The following GPC5 variants were observed in gnomAD, a reference collection of about 807,000 sequenced individuals.
GPC5 encodes glypican 5.
In GPC5, 47 loss-of-function variants were observed where a neutral mutation model predicts 53.9. That is an observed-to-expected ratio of 0.87 (90% CI 0.69 to 1.11). GPC5 has a LOEUF of 1.11. GPC5 is among the 50% of genes most tolerant of loss of function. The pLI is 0.00. For missense variants in GPC5, 748 were observed against 713.1 expected (o/e 1.05, Z -0.56); for synonymous variants, 286 against 263.3 (o/e 1.09, Z -0.84).
intron 7 of GPC5, among the ~76,000 whole-genome samples, chr13:92,234,067 A>G (rs1433627325): frequency 6.6e-6 from 1 of 152,220 alleles, no homozygotes. Context: ...ATTGTTGGAC[A>G]TCTGGGTTGG....
chr13:92,782,367 A>G (rs1876058345), intron 7 of GPC5, among the ~76,000 whole-genome samples: 1 of 152,208 alleles, frequency 6.6e-6, no homozygotes, highest in Non-Finnish European at 1.5e-5. Flanking sequence ...GAATACACAT[A>G]GGCAAACAAG....
chr13:91,693,319 T>A lies in GPC5; in HGVS notation c.458T>A (p.Phe153Tyr). The change falls in exon 3 of 8, where the codon TTT becomes TAT. Residue 153 changes from phenylalanine (F) to tyrosine (Y), a missense_variant. Transcript: ENST00000377067. ...EFFTDVGLYL[F>Y]GADVNPEEFV... ...TTCACTGATGTGGGGCTGTATTTAT[T>A]TGGTGCGGATGTTAATCCTGAAGAA... is the stretch of plus-strand genomic sequence containing the variant. 1 of 1,614,112 alleles carries A rather than the reference T, an allele frequency of 6.2e-7. No homozygotes were observed. Among genetic ancestry groups the A allele is most frequent in the Non-Finnish European group, 8.5e-7 (1 of 1,180,002 alleles).
intron 2 of GPC5, among the ~76,000 whole-genome samples, chr13:91,532,332 A>G (rs1343493812): frequency 6.6e-6 from 1 of 152,212 alleles, no homozygotes; most frequent in African/African-American, 2.4e-5. Flanking sequence ...AACAAGTGCC[A>G]AAGAAACCTA....
chr13:91,649,517 A>T (rs1232225654), intron 2 of GPC5, among the ~76,000 whole-genome samples: 1 of 152,126 alleles, frequency 6.6e-6, no homozygotes, highest in African/African-American at 2.4e-5. Flanking sequence ...TTACTTAGAG[A>T]TCACTAACTG....
At chr13:91,434,821 A>G (rs1042366351) in intron 1 of GPC5, among the ~76,000 whole-genome samples, 22 of 152,200 alleles carry the variant, frequency 1.4e-4, no homozygotes, top group African/African-American at 4.8e-4. Context: ...ATCCATGAGC[A>G]TGGAATGTTC....
intron 6 of GPC5, among the ~76,000 whole-genome samples, chr13:92,075,870 T>G (rs1188479576): frequency 6.6e-6 from 1 of 152,212 alleles, no homozygotes; most frequent in Non-Finnish European, 1.5e-5. Flanking sequence ...TCAATAAAAT[T>G]AATTAAGCTT....
intron 5 of GPC5, among the ~76,000 whole-genome samples, chr13:91,811,319 A>G (rs2038308285): frequency 6.6e-6 from 1 of 152,122 alleles, no homozygotes; most frequent in Non-Finnish European, 1.5e-5. Context: ...AACAGGGAAG[A>G]CAGATAAGTG....
At chr13:92,783,672 G>A (rs1876112434) in intron 7 of GPC5, among the ~76,000 whole-genome samples, 1 of 152,094 alleles carries the variant, frequency 6.6e-6, no homozygotes, top group Non-Finnish European at 1.5e-5. Flanking sequence ...CAAAAACAAT[G>A]AGAATATGAT....
rs950647861 is a variant in GPC5 at position 91,514,488 on chromosome 13, A to AT, written c.325+65574dup. On this transcript the variant is annotated intron_variant, in intron 2 of 7. Transcript: ENST00000377067. ...TGTCCTTTGTCTATTTTATAATTAG[A>AT]TTTTTTTTGCTATCAAGTTTTGAAA... is the stretch of plus-strand genomic sequence containing the variant. 2.0e-5 allele frequency among the ~76,000 whole-genome samples: 3 copies of AT among 151,888 alleles called. 1 individual carries two copies. The highest frequency in any genetic ancestry group is 6.3e-3 in the Middle Eastern group (2 of 316).
At chr13:92,390,676 T>G (rs1477879343) in intron 7 of GPC5, among the ~76,000 whole-genome samples, 1 of 152,132 alleles carries the variant, frequency 6.6e-6, no homozygotes, top group Non-Finnish European at 1.5e-5. Context: ...ATCGTATGTT[T>G]CTCTTGCCCT....
At chr13:91,918,733 C>T (rs1000404163) in intron 6 of GPC5, among the ~76,000 whole-genome samples, 5 of 152,072 alleles carry the variant, frequency 3.3e-5, no homozygotes, top group Admixed American at 2.0e-4. Flanking sequence ...ATCCATGTTG[C>T]TTACCTCTTT....
chr13:92,045,611 A>G (rs1459941485), intron 6 of GPC5, among the ~76,000 whole-genome samples: 3 of 152,188 alleles, frequency 2.0e-5, no homozygotes, highest in Non-Finnish European at 2.9e-5. Flanking sequence ...TGTCTACTAT[A>G]CATAGACCAC....
intron 7 of GPC5, among the ~76,000 whole-genome samples, chr13:92,273,152 T>C (rs1277419543): frequency 6.6e-6 from 1 of 152,168 alleles, no homozygotes. Context: ...TCCTTTATTT[T>C]TAAATTTAAA....
At chr13:92,391,002 T>C (rs1258376876) in intron 7 of GPC5, among the ~76,000 whole-genome samples, 1 of 152,116 alleles carries the variant, frequency 6.6e-6, no homozygotes, top group South Asian at 2.1e-4. Flanking sequence ...AGAGATAAAA[T>C]TATGAAATTA....
intron 7 of GPC5, among the ~76,000 whole-genome samples, chr13:92,417,454 A>G (rs1441557138): frequency 6.6e-6 from 1 of 152,244 alleles, no homozygotes; most frequent in Non-Finnish European, 1.5e-5. Context: ...TCCTCAAAAC[A>G]TCAAAGTTAT....
intron 7 of GPC5, among the ~76,000 whole-genome samples, chr13:92,560,835 T>C (rs1224716739): frequency 1.3e-5 from 2 of 148,644 alleles, no homozygotes; most frequent in Non-Finnish European, 3.0e-5. Flanking sequence ...CGAATATAAA[T>C]GTTAGAGAAA....
At chr13:92,835,659 G>GTTTT (rs1878196232) in intron 7 of GPC5, among the ~76,000 whole-genome samples, 1 of 151,888 alleles carries the variant, frequency 6.6e-6, no homozygotes, top group Non-Finnish European at 1.5e-5. Flanking sequence ...AAACATGTTT[G>GTTTT]TAAAGAGATC....
intron 6 of GPC5, among the ~76,000 whole-genome samples, chr13:92,033,332 C>T (rs1031346704): frequency 1.3e-5 from 2 of 152,076 alleles, no homozygotes; most frequent in African/African-American, 4.8e-5. Context: ...CAATATCTTA[C>T]TCAAAGTTTG....
chr13:92,813,040 A>G (rs1302014538), intron 7 of GPC5, among the ~76,000 whole-genome samples: 2 of 151,972 alleles, frequency 1.3e-5, no homozygotes, highest in Non-Finnish European at 2.9e-5. Flanking sequence ...TAAAGTTAAA[A>G]GACTCCTATT....
Sources: allele counts gnomAD v4.1 joint callset (sites outside exome capture counted in the v4.1 genomes callset), GRCh38; gene constraint gnomAD v4.1.1; transcripts MANE v1.5; gene names NCBI Gene and HGNC (gene_info 2026-07-23, HGNC 2026-07-21).